Variants in GJA3 observed in about 807,000 individuals in gnomAD.
The protein encoded by GJA3 is gap junction protein alpha 3.
For synonymous variants in GJA3, 297 were observed against 292.6 expected (o/e 1.02, Z -0.15); for missense variants, 571 against 620.3 (o/e 0.92, Z 0.84).
intron 1 of GJA3, among the ~76,000 whole-genome samples, chr13:20,152,070 G>A (rs1958881358): frequency 6.6e-6 from 1 of 152,188 alleles, no homozygotes; most frequent in South Asian, 2.1e-4. Flanking sequence ...TGGCGATCAT[G>A]AATTGTCTGG....
chr13:20,157,144 GA>G (rs1235644488), intron 1 of GJA3, among the ~76,000 whole-genome samples: 2 of 152,092 alleles, frequency 1.3e-5, no homozygotes, highest in Non-Finnish European at 2.9e-5. Flanking sequence ...ATTGAATAAT[GA>G]AAAAAAGTGA....
At chr13:20,147,957 T>TTCCCCAACAGACTCTAAGTGAGCAAGGG (rs1958853106) in intron 1 of GJA3, among the ~76,000 whole-genome samples, 1 of 152,092 alleles carries the variant, frequency 6.6e-6, no homozygotes, top group African/African-American at 2.4e-5. Flanking sequence ...AGAAAGCAGT[T>TTCCCCAACAGACTCTAAGTGAGCAAGGG]TCCCCAACAG....
At chr13:20,147,106 G>T (rs975356322) in intron 1 of GJA3, among the ~76,000 whole-genome samples, 3 of 152,256 alleles carry the variant, frequency 2.0e-5, no homozygotes, top group Admixed American at 6.5e-5. Flanking sequence ...AGGGCAGGTG[G>T]TACTTGTGCT....
intron 1 of GJA3, among the ~76,000 whole-genome samples, chr13:20,150,474 C>A (rs988741289): frequency 1.3e-5 from 2 of 152,142 alleles, no homozygotes; most frequent in East Asian, 3.9e-4. Context: ...GGGGAAGGCA[C>A]CCTCGGTCTG....
At chr13:20,154,343 G>A (rs1163712538) in intron 1 of GJA3, among the ~76,000 whole-genome samples, 4 of 152,134 alleles carry the variant, frequency 2.6e-5, no homozygotes, top group Non-Finnish European at 5.9e-5. Context: ...CTTTACAGTT[G>A]TTCTGAAGAG....
chr13:20,155,808 C>T (rs891237864), intron 1 of GJA3, among the ~76,000 whole-genome samples: 1 of 151,816 alleles, frequency 6.6e-6, no homozygotes, highest in Non-Finnish European at 1.5e-5. Flanking sequence ...CTATAAAATA[C>T]ACATATACAG....
chr13:20,141,891 A>T lies in GJA3; in HGVS notation c.*90T>A. On this transcript the variant is annotated 3_prime_UTR_variant, in exon 2 of 2. Transcript: ENST00000241125. ...GTCGCTCCCACCTCCTGGGACTTTC[A>T]GGTTCTATCTGCTGGTGGGAAGTGC... is the stretch of plus-strand genomic sequence containing the variant. 2 of 1,517,060 alleles carry T rather than the reference A, an allele frequency of 1.3e-6. No homozygotes were observed. Among genetic ancestry groups the T allele is most frequent in the Non-Finnish European group, 1.8e-6 (2 of 1,124,436 alleles). The allele number at this position is 1,517,060 out of a possible 1,614,324, so 94.0% of individuals were successfully genotyped here.
At position 20,140,531 on chromosome 13, in the gene GJA3, A is replaced by C. The variant is rs981086311; in HGVS notation, c.*1450T>G. ...TACTCAGTAGAAGTTGGAGGTGAAAAGTGTGAGTAGAAACAGGCTCAACAT... is the reference window on the plus strand; with the variant it reads ...TACTCAGTAGAAGTTGGAGGTGAAACGTGTGAGTAGAAACAGGCTCAACAT... On this transcript the variant is annotated 3_prime_UTR_variant, in exon 2 of 2. Transcript: ENST00000241125. 3 of 152,200 alleles carry C rather than the reference A, an allele frequency of 2.0e-5. No individual in the cohort carries two copies. The highest frequency in any genetic ancestry group is 2.9e-5 in the Non-Finnish European group (2 of 68,034). 9.4% of individuals were successfully genotyped at this position (152,200 alleles called of 1,614,324 possible). A position where few individuals can be genotyped will look rare whatever the true frequency, so the allele number is the denominator to read the frequency against.
intron 1 of GJA3, among the ~76,000 whole-genome samples, chr13:20,145,520 C>T (rs1958836589): frequency 6.6e-6 from 1 of 152,224 alleles, no homozygotes; most frequent in Non-Finnish European, 1.5e-5. Context: ...CCTGCTTCTC[C>T]TCCAAGTGTC....
rs1464774001 is a variant in GJA3, at chr13:20,141,673, C to A, written c.*308G>T. Reference sequence around the variant, plus strand: ...TTGCTTTACCACTACAGAACAGTTACCCCCAGAGACAGCCCTCAGCGACCA... The same window carrying A: ...TTGCTTTACCACTACAGAACAGTTAACCCCAGAGACAGCCCTCAGCGACCA... On this transcript the variant is annotated 3_prime_UTR_variant, in exon 2 of 2. Coordinates refer to ENST00000241125, the MANE Select transcript of GJA3 (RefSeq NM_021954.4). The A allele has an allele frequency of 2.4e-6, 1 of 422,688 alleles. No individual in the cohort carries two copies. Among genetic ancestry groups the A allele is most frequent in the Admixed American group, 3.9e-5 (1 of 25,552 alleles). The allele number at this position is 422,688 out of a possible 1,614,324, so 26.2% of individuals were successfully genotyped here. A position where few individuals can be genotyped will look rare whatever the true frequency, so the allele number is the denominator to read the frequency against.
chr13:20,147,746 A>G (rs1958851721), intron 1 of GJA3, among the ~76,000 whole-genome samples: 1 of 151,602 alleles, frequency 6.6e-6, no homozygotes, highest in African/African-American at 2.4e-5. Context: ...AAATCAGCTG[A>G]CTCCTTTTTC....
intron 1 of GJA3, among the ~76,000 whole-genome samples, 165 bp downstream of exon 1, chr13:20,160,725 A>AG (rs1004860995): frequency 6.6e-6 from 1 of 152,086 alleles, no homozygotes; most frequent in Non-Finnish European, 1.5e-5. Context: ...AAAGAATCCT[A>AG]GGGGGCTGGG....
intron 1 of GJA3, among the ~76,000 whole-genome samples, chr13:20,153,708 A>G (rs1342782513): frequency 6.6e-6 from 1 of 152,120 alleles, no homozygotes; most frequent in Non-Finnish European, 1.5e-5. Flanking sequence ...GGTGCAGCAC[A>G]CCAACGTGGC....
rs575352846 is a variant in GJA3 at position 20,139,111 on chromosome 13, G to A, written c.*2870C>T. 1.5e-3 allele frequency: 230 copies of A among 152,166 alleles called. No homozygotes were observed. Among genetic ancestry groups the A allele is most frequent in the African/African-American group, 5.3e-3 (220 of 41,536 alleles). The allele number at this position is 152,166 out of a possible 1,614,324, so 9.4% of individuals were successfully genotyped here. A position where few individuals can be genotyped will look rare whatever the true frequency, so the allele number is the denominator to read the frequency against. The stretch of plus-strand genomic sequence containing the variant: ...AAAAATACAAGAATAACCATTAAAA[G>A]TTTAAAAAGGAGAAAGTGAGTGATA... On this transcript the variant is annotated 3_prime_UTR_variant, in exon 2 of 2. Transcript: ENST00000241125.
At chr13:20,144,606 C>G (rs1958831719) in intron 1 of GJA3, among the ~76,000 whole-genome samples, 1 of 152,170 alleles carries the variant, frequency 6.6e-6, no homozygotes, top group African/African-American at 2.4e-5. Context: ...GGTAAACATC[C>G]CCAGGCAGGC....
Position 20,142,881 on chromosome 13 carries a change from G to A in GJA3, c.408C>T (p.Arg136=), listed in dbSNP as rs1447980914. ...GCGCCCCGGCCATGCGCACCCTGCCGCGGTCGTCCCGCGACGAGGGATTGT... is the reference window on the plus strand; with the variant it reads ...GCGCCCCGGCCATGCGCACCCTGCCACGGTCGTCCCGCGACGAGGGATTGT... The part of the protein sequence containing the change: ...PQDNPSSRDD[R]GRVRMAGALL... The change falls in exon 2 of 2, where the codon CGC becomes CGT. Residue 136 remains arginine, a synonymous_variant. Transcript: ENST00000241125. 1.2e-6 allele frequency: 2 copies of A among 1,604,802 alleles called. No homozygotes were observed. The highest frequency in any genetic ancestry group is 2.3e-5 in the East Asian group (1 of 44,424).
intron 1 of GJA3, among the ~76,000 whole-genome samples, chr13:20,149,234 CT>C (rs1958862168): frequency 6.6e-6 from 1 of 152,056 alleles, no homozygotes; most frequent in African/African-American, 2.4e-5. Flanking sequence ...TAGCTCACAC[CT>C]GTAATCTCTG....
In GJA3 at chr13:20,161,024, T is replaced by A. The variant is rs954915069; in HGVS notation, c.-152A>T. The A allele has an allele frequency of 2.6e-5, 4 of 152,280 alleles. No homozygotes were observed. In the East Asian group the frequency reaches 5.9e-4, roughly 22 times the overall value. 9.4% of individuals were successfully genotyped at this position (152,280 alleles called of 1,614,324 possible). A position where few individuals can be genotyped will look rare whatever the true frequency, so the allele number is the denominator to read the frequency against. ...GCGCCAGGGCCCGACCTCCCCGCCC[T>A]GATCGCCATCCCTGCAGCCCCAGTG... On this transcript the variant is annotated 5_prime_UTR_variant, in exon 1 of 2. Coordinates refer to ENST00000241125, the MANE Select transcript of GJA3 (RefSeq NM_021954.4).
Position 20,143,150 on chromosome 13 carries a change from C to T in GJA3, c.139G>A (p.Asp47Asn). ...TTGCAGGTGAAGTCTGACTGCTCAT[C>T]GCCCCACACGTCCTCCGCCGCGGCC... ...LGAAAEDVWG[D>N]EQSDFTCNTQ... The change falls in exon 2 of 2, where the codon GAT becomes AAT. Residue 47 changes from aspartate to asparagine, a missense_variant. Asp to Asn is a conservative substitution (Grantham distance 23). Coordinates refer to ENST00000241125, the MANE Select transcript of GJA3 (RefSeq NM_021954.4). 2.5e-6 allele frequency: 4 copies of T among 1,611,234 alleles called. No individual in the cohort carries two copies. Among genetic ancestry groups the T allele is most frequent in the Non-Finnish European group, 3.4e-6 (4 of 1,178,004 alleles).
Sources: gnomAD v4.1 joint callset for allele counts (sites outside exome capture counted in the v4.1 genomes callset) on GRCh38, gnomAD v4.1.1 for gene constraint, MANE v1.5 for transcripts, NCBI Gene and HGNC (gene_info 2026-07-23, HGNC 2026-07-21) for gene names.